The following PIP4K2A variants were observed in gnomAD, a reference collection of about 807,000 sequenced individuals.
PIP4K2A encodes phosphatidylinositol-5-phosphate 4-kinase type 2 alpha.
PIP4K2A carries 14 observed loss-of-function variants against 42.9 expected under a neutral mutation model. That is an observed-to-expected ratio of 0.33 (90% confidence interval 0.22 to 0.51). The LOEUF (loss-of-function observed/expected upper bound fraction) is 0.51. PIP4K2A is among the 20% of genes least tolerant of loss of function. The pLI is 0.97. For missense variants in PIP4K2A, 434 were observed against 519.8 expected (o/e 0.83, Z 1.61); for synonymous variants, 192 against 192.2 (o/e 1.00, Z 0.01).
Position 22,714,543 on chromosome 10 carries a change from C to A in PIP4K2A, c.-217G>T, listed in dbSNP as rs2130938459. 6.7e-6 allele frequency: 1 copy of A among 149,574 alleles called. No individual in the cohort carries two copies. The allele number at this position is 149,574 out of a possible 1,614,324, so 9.3% of individuals were successfully genotyped here. On this transcript the variant is annotated 5_prime_UTR_variant, in exon 1 of 10. The change creates a new upstream start codon in the 5' untranslated region. Transcript: ENST00000376573. ...CTCGGCTCGCGCCCCGGCCCGTATC[C>A]TGCGCCCGCCGCGGATCCGCGCTCA...
intron 4 of PIP4K2A, among the ~76,000 whole-genome samples, chr10:22,586,279 T>C (rs76424321): frequency 0.023 from 3,572 of 152,264 alleles, 135 homozygotes; most frequent in African/African-American, 0.08. Context: ...GAGTGAAAGC[T>C]AGGGTAGAAT....
chr10:22,591,086 A>G (rs1005339627), intron 4 of PIP4K2A, among the ~76,000 whole-genome samples: 3 of 152,222 alleles, frequency 2.0e-5, no homozygotes, highest in African/African-American at 7.2e-5. Context: ...AGGATGGTCT[A>G]CTTTACCTCC....
chr10:22,578,301 C>T (rs1837170219), intron 4 of PIP4K2A, among the ~76,000 whole-genome samples: 1 of 152,182 alleles, frequency 6.6e-6, no homozygotes, highest in Non-Finnish European at 1.5e-5. Flanking sequence ...CTGTAACCCC[C>T]CATCCATTCT....
At chr10:22,575,371 C>T (rs965176367) in intron 4 of PIP4K2A, among the ~76,000 whole-genome samples, 2 of 152,138 alleles carry the variant, frequency 1.3e-5, no homozygotes, top group Non-Finnish European at 2.9e-5. Context: ...TGCTGCTCAA[C>T]CCCTCACTGA....
At chr10:22,659,397 G>A (rs1052187142) in intron 1 of PIP4K2A, among the ~76,000 whole-genome samples, 6 of 152,118 alleles carry the variant, frequency 3.9e-5, no homozygotes, top group East Asian at 1.9e-4. Flanking sequence ...GTTTGAGACC[G>A]GCCTAGCCAA....
chr10:22,545,284 C>G (rs571914383), intron 7 of PIP4K2A, among the ~76,000 whole-genome samples: 4 of 152,220 alleles, frequency 2.6e-5, no homozygotes, highest in African/African-American at 9.6e-5. Context: ...GCAAAGGAAG[C>G]GCAAGGTGAC....
chr10:22,615,060 A>T (rs964032702), intron 1 of PIP4K2A, among the ~76,000 whole-genome samples: 1 of 152,224 alleles, frequency 6.6e-6, no homozygotes, highest in Non-Finnish European at 1.5e-5. Flanking sequence ...ATTCTATATG[A>T]TCTACCCTAA....
At chr10:22,658,382 G>A (rs1839142163) in intron 1 of PIP4K2A, among the ~76,000 whole-genome samples, 1 of 152,184 alleles carries the variant, frequency 6.6e-6, no homozygotes, top group Non-Finnish European at 1.5e-5. Flanking sequence ...AATACTTGAG[G>A]TACATGTATT....
chr10:22,704,799 C>T (rs935605428), intron 1 of PIP4K2A, among the ~76,000 whole-genome samples: 1 of 152,122 alleles, frequency 6.6e-6, no homozygotes, highest in Non-Finnish European at 1.5e-5. Context: ...CAGTGGAAGA[C>T]ACTGCAATGG....
chr10:22,599,244 T>G (rs928015377), intron 3 of PIP4K2A, among the ~76,000 whole-genome samples: 1 of 152,228 alleles, frequency 6.6e-6, no homozygotes, highest in Non-Finnish European at 1.5e-5. Context: ...CATGCAACCA[T>G]GACCACAATC....
chr10:22,691,666 G>C (rs527335626), intron 1 of PIP4K2A: 2 of 152,274 alleles, frequency 1.3e-5, no homozygotes, highest in South Asian at 4.1e-4. Context: ...CATTTGCTAT[G>C]TTTCCAGGTG....
At chr10:22,670,392 C>G (rs766589709) in intron 1 of PIP4K2A, among the ~76,000 whole-genome samples, 12 of 152,048 alleles carry the variant, frequency 7.9e-5, no homozygotes, top group Non-Finnish European at 1.6e-4. Flanking sequence ...AGTATGATAG[C>G]CAACACACTC....
chr10:22,606,443 G>C (rs1297897852), intron 3 of PIP4K2A, among the ~76,000 whole-genome samples: 2 of 152,202 alleles, frequency 1.3e-5, no homozygotes, highest in Admixed American at 6.5e-5. Flanking sequence ...TCAGCTCAGG[G>C]TCTGGACCTC....
chr10:22,633,265 A>G (rs1838591307), intron 1 of PIP4K2A, among the ~76,000 whole-genome samples: 1 of 152,234 alleles, frequency 6.6e-6, no homozygotes. Context: ...AATGAAAGGG[A>G]CATAATTTTT....
rs1257634178 is a variant in PIP4K2A at position 22,659,940 on chromosome 10, A to C, written c.145-50223T>G. ...ACTGAGGCAGGGCTGGCTATCTTTA[A>C]TTTAGCTTAAACGTCATTTATCACT... is the stretch of plus-strand genomic sequence containing the variant. On this transcript the variant is annotated intron_variant, in intron 1 of 9. Coordinates refer to ENST00000376573, the MANE Select transcript of PIP4K2A (RefSeq NM_005028.5). Among the ~76,000 whole-genome samples, 3 of 152,148 alleles carry C rather than the reference A, an allele frequency of 2.0e-5. No homozygotes were observed. In the East Asian group the frequency reaches 5.8e-4, roughly 29 times the overall value.
chr10:22,535,105 T>C lies in PIP4K2A; in HGVS notation c.*2096A>G, dbSNP rs564140614. On this transcript the variant is annotated 3_prime_UTR_variant, in exon 10 of 10. Coordinates refer to ENST00000376573, the MANE Select transcript of PIP4K2A (RefSeq NM_005028.5). ...CAACAGAAATAAATGACAGACTGTT[T>C]GTTATAGACAAAAATAAAAGCATTC... 1 of 152,376 alleles carries C rather than the reference T, an allele frequency of 6.6e-6. No individual in the cohort carries two copies. The highest frequency in any genetic ancestry group is 2.1e-4 in the South Asian group (1 of 4,832). The allele number at this position is 152,376 out of a possible 1,614,324, so 9.4% of individuals were successfully genotyped here.
At chr10:22,705,927 A>C (rs1389717290) in intron 1 of PIP4K2A, among the ~76,000 whole-genome samples, 1 of 151,834 alleles carries the variant, frequency 6.6e-6, no homozygotes, top group East Asian at 1.9e-4. Flanking sequence ...GGCTGGGGAG[A>C]CCTCAAGAAA....
intron 3 of PIP4K2A, among the ~76,000 whole-genome samples, chr10:22,603,728 G>A (rs997290336): frequency 6.6e-6 from 1 of 152,158 alleles, no homozygotes; most frequent in African/African-American, 2.4e-5. Context: ...AGACCTCAGG[G>A]TGATCAGGGC....
chr10:22,635,428 T>C (rs1838641160), intron 1 of PIP4K2A, among the ~76,000 whole-genome samples: 1 of 152,152 alleles, frequency 6.6e-6, no homozygotes, highest in African/African-American at 2.4e-5. Flanking sequence ...ATAATGTCCA[T>C]TTTAAATAAA....
Sources: gnomAD v4.1 joint callset for allele counts (sites outside exome capture counted in the v4.1 genomes callset) on GRCh38, gnomAD v4.1.1 for gene constraint, MANE v1.5 for transcripts, NCBI Gene and HGNC (gene_info 2026-07-23, HGNC 2026-07-21) for gene names.